ZC3H12B: variants seen among roughly 807,000 people sequenced by gnomAD.
ZC3H12B encodes zinc finger CCCH-type containing 12B, also known as probable ribonuclease ZC3H12B.
A neutral mutation model predicts 43.9 loss-of-function variants in ZC3H12B; 7 were observed. The ratio of observed to expected loss-of-function variants is 0.16; its 90% confidence interval spans 0.09 to 0.30. The LOEUF is 0.30. ZC3H12B is among the 10% of genes least tolerant of loss of function. ZC3H12B has a pLI of 1.00. For missense variants in ZC3H12B, 475 were observed against 670.2 expected (o/e 0.71, Z 3.22); for synonymous variants, 222 against 241.7 (o/e 0.92, Z 0.76).
the ZC3H12B span, among the ~76,000 whole-genome samples, chrX:65,139,229 T>C: frequency 8.9e-6 from 1 of 112,338 alleles, no homozygotes; most frequent in African/African-American, 3.2e-5. Context: ...TCCTGTCTTA[T>C]CTTTAAATCT....
intron 3 of ZC3H12B, among the ~76,000 whole-genome samples, chrX:65,476,660 G>T (rs376342739): frequency 6.3e-5 from 7 of 111,117 alleles, no homozygotes; most frequent in African/African-American, 1.6e-4. Context: ...TCATGGTGCT[G>T]GTGGGTGTGT....
At chrX:65,390,385 C>G (rs2066596286) in intron 2 of ZC3H12B, among the ~76,000 whole-genome samples, 1 of 109,840 alleles carries the variant, frequency 9.1e-6, no homozygotes, top group Non-Finnish European at 1.9e-5. Flanking sequence ...GCACAGGTAC[C>G]CTAGAACTTA....
the ZC3H12B span, among the ~76,000 whole-genome samples, chrX:65,187,441 G>T: frequency 9.0e-6 from 1 of 111,294 alleles, no homozygotes; most frequent in Non-Finnish European, 1.9e-5. Context: ...ATTTTCTAAT[G>T]ATGTACAGAA....
the ZC3H12B span, among the ~76,000 whole-genome samples, chrX:65,161,068 G>A: frequency 3.6e-5 from 4 of 111,070 alleles, no homozygotes; most frequent in Non-Finnish European, 7.5e-5. Context: ...TAGTTGAGCA[G>A]TTTTTAGTGA....
the ZC3H12B span, among the ~76,000 whole-genome samples, chrX:65,162,027 G>T: frequency 9.0e-6 from 1 of 111,047 alleles, no homozygotes; most frequent in Non-Finnish European, 1.9e-5. Context: ...CACTTATGAA[G>T]CTTAGTTTGG....
the ZC3H12B span, among the ~76,000 whole-genome samples, chrX:65,132,568 G>A: frequency 1.8e-5 from 2 of 110,844 alleles, no homozygotes; most frequent in Admixed American, 1.9e-4. Context: ...ATGAGGTGTG[G>A]CTGTAGCCTA....
intron 2 of ZC3H12B, among the ~76,000 whole-genome samples, chrX:65,378,127 C>T: frequency 9.1e-6 from 1 of 110,195 alleles, no homozygotes; most frequent in Non-Finnish European, 1.9e-5. Flanking sequence ...TCTGACCTTA[C>T]AATACTCACT....
the ZC3H12B span, among the ~76,000 whole-genome samples, chrX:65,294,639 G>A: frequency 9.0e-6 from 1 of 111,435 alleles, no homozygotes; most frequent in East Asian, 2.8e-4. Context: ...ATAAAGTTAA[G>A]GTAAAGGGGT....
At chrX:65,272,781 G>A in the ZC3H12B span, 1 of 112,079 alleles carries the variant, frequency 8.9e-6, no homozygotes, top group Non-Finnish European at 1.9e-5. Flanking sequence ...CAGATGATAT[G>A]GAGGTAACTT....
chrX:65,308,957 C>T, the ZC3H12B span, among the ~76,000 whole-genome samples: 20 of 111,853 alleles, frequency 1.8e-4, no homozygotes, highest in Non-Finnish European at 3.6e-4. Flanking sequence ...AAACATACAA[C>T]GTACCAGAAT....
chrX:65,488,895 G>A, exon 1 of ZC3H12B: 1 of 1,210,219 alleles, frequency 8.3e-7, no homozygotes, highest in Non-Finnish European at 1.1e-6. Context: ...CACAGAGCAG[G>A]GCAATGCTGA....
chrX:65,387,718 G>T (rs1325011544), intron 2 of ZC3H12B, among the ~76,000 whole-genome samples: 1 of 112,242 alleles, frequency 8.9e-6, no homozygotes, highest in Non-Finnish European at 1.9e-5. Flanking sequence ...CTTAGTTGAT[G>T]CAGTTTCTTC....
the ZC3H12B span, among the ~76,000 whole-genome samples, chrX:65,268,041 C>T: frequency 1.8e-5 from 2 of 110,550 alleles, no homozygotes; most frequent in African/African-American, 6.6e-5. Context: ...GAAAAAAAGA[C>T]ATGAGACTCA....
the ZC3H12B span, among the ~76,000 whole-genome samples, chrX:65,253,607 A>G: frequency 5.5e-5 from 6 of 108,449 alleles, no homozygotes; most frequent in African/African-American, 2.2e-4. Context: ...TCCTGATGAG[A>G]TGTGACCCCT....
the ZC3H12B span, among the ~76,000 whole-genome samples, chrX:65,337,120 C>T: frequency 1.8e-5 from 2 of 111,558 alleles, no homozygotes; most frequent in Middle Eastern, 4.6e-3. Context: ...AGAAGAGACT[C>T]CAACTCCTCT....
intron 4 of ZC3H12B, among the ~76,000 whole-genome samples, chrX:65,500,227 A>T (rs1476090453): frequency 8.9e-6 from 1 of 112,587 alleles, no homozygotes; most frequent in Non-Finnish European, 1.9e-5. Flanking sequence ...TGACAATAGT[A>T]CATGTGTTCT....
the ZC3H12B span, among the ~76,000 whole-genome samples, chrX:65,229,398 G>C: frequency 5.6e-5 from 6 of 108,028 alleles, no homozygotes; most frequent in African/African-American, 6.7e-5. Context: ...ATGGATTAAA[G>C]ACTTAAACGT....
chrX:65,325,663 G>A, the ZC3H12B span, among the ~76,000 whole-genome samples: 4 of 111,090 alleles, frequency 3.6e-5, no homozygotes, highest in Non-Finnish European at 5.7e-5. Context: ...TTTTTCAAAT[G>A]TTTATACCAC....
chrX:65,370,384 T>G lies in ZC3H12B; in HGVS notation n.295+1386T>G, dbSNP rs2066229062. The stretch of plus-strand genomic sequence containing the variant: ...AATTTACTCTCTCGGAGTCTCAGTT[T>G]TCTCATCTGTAACATGAGAATAATC... On this transcript the variant is annotated intron_variant and non_coding_transcript_variant, in intron 2 of 5. Transcript: ENST00000617377. 4.5e-5 allele frequency among the ~76,000 whole-genome samples: 5 copies of G among 111,788 alleles called. No individual in the cohort carries two copies. The Admixed American group carries it at 4.8e-4, about 11-fold the overall frequency.
Sources: gnomAD v4.1 joint callset for allele counts (sites outside exome capture counted in the v4.1 genomes callset) on GRCh38, gnomAD v4.1.1 for gene constraint, MANE v1.5 for transcripts, NCBI Gene and HGNC (gene_info 2026-07-23, HGNC 2026-07-21) for gene names.